The following IL20RA variants were observed in gnomAD, a reference collection of about 807,000 sequenced individuals.
IL20RA encodes the protein interleukin 20 receptor subunit alpha.
A neutral mutation model predicts 36.5 loss-of-function variants in IL20RA; 29 were observed. The ratio of observed to expected loss-of-function variants is 0.79; its 90% CI spans 0.59 to 1.08. The LOEUF (loss-of-function observed/expected upper bound fraction) is 1.08, where lower values mean the gene tolerates loss of function less well. IL20RA is among the 50% of genes least tolerant of loss of function. IL20RA has a pLI of 0.00. For synonymous variants in IL20RA, 279 were observed against 267.1 expected (o/e 1.04, Z -0.43); for missense variants, 652 against 668.4 (o/e 0.98, Z 0.27).
chr6:137,003,424 G>C (rs73560634), intron 6 of IL20RA, among the ~76,000 whole-genome samples: 1,800 of 152,198 alleles, frequency 0.012, 38 homozygotes, highest in African/African-American at 0.041. Flanking sequence ...CTTCTTTCTT[G>C]CTTCTTCTTA....
chr6:137,028,702 C>A (rs1776177003), intron 1 of IL20RA, among the ~76,000 whole-genome samples: 1 of 152,068 alleles, frequency 6.6e-6, no homozygotes, highest in Non-Finnish European at 1.5e-5. Flanking sequence ...TAAAATAAAT[C>A]TATTGAATTT....
intron 1 of IL20RA, among the ~76,000 whole-genome samples, chr6:137,034,531 T>C (rs1776407104): frequency 6.6e-6 from 1 of 152,182 alleles, no homozygotes; most frequent in South Asian, 2.1e-4. Context: ...AAGCCCTGCA[T>C]GCATTAGCTA....
intron 1 of IL20RA, among the ~76,000 whole-genome samples, chr6:137,034,606 C>T (rs2115420575): frequency 2.0e-5 from 3 of 152,220 alleles, no homozygotes; most frequent in African/African-American, 7.2e-5. Flanking sequence ...GTTCCCCTCC[C>T]TGTGTCCATG....
intron 1 of IL20RA, chr6:137,044,114 G>T: frequency 1.0e-6 from 1 of 985,584 alleles, no homozygotes; most frequent in Non-Finnish European, 1.2e-6. Context: ...CGTCTTTCTG[G>T]ATCATGTTCC....
chr6:137,000,458 C>T lies in IL20RA; in HGVS notation c.*1100G>A, dbSNP rs916822300. ...TGACTGAAGAATTTAATTTTCTTAACAAGTGGTAAAGGAGATGGGAACAGT... is the reference window on the plus strand; with the variant it reads ...TGACTGAAGAATTTAATTTTCTTAATAAGTGGTAAAGGAGATGGGAACAGT... On this transcript the variant is annotated 3_prime_UTR_variant, in exon 7 of 7. Coordinates refer to ENST00000316649, the MANE Select transcript of IL20RA (RefSeq NM_014432.4). 8 of 151,726 alleles carry T rather than the reference C, an allele frequency of 5.3e-5. No individual in the cohort carries two copies. The highest frequency in any genetic ancestry group is 1.7e-4 in the African/African-American group (7 of 41,406). The allele number at this position is 151,726 out of a possible 1,614,324, so 9.4% of individuals were successfully genotyped here.
rs995222487 is a variant in IL20RA at position 137,001,939 on chromosome 6, T to C, written c.1281A>G (p.Thr427=). 1.2e-6 allele frequency: 2 copies of C among 1,614,088 alleles called. No homozygotes were observed. Among genetic ancestry groups the C allele is most frequent in the Non-Finnish European group, 1.7e-6 (2 of 1,180,054 alleles). The change falls in exon 7 of 7, where the codon ACA becomes ACG. Residue 427 remains threonine (T), a synonymous_variant. Coordinates refer to ENST00000316649, the MANE Select transcript of IL20RA (RefSeq NM_014432.4). Reference sequence around the variant, plus strand: ...CCTGCGACTCCAATAATGTTCCTTGTGTGGACACCTCCTCCTGCAAACTGA... The same window carrying C: ...CCTGCGACTCCAATAATGTTCCTTGCGTGGACACCTCCTCCTGCAAACTGA... ...QELSLQEEVS[T]QGTLLESQAA...
chr6:137,004,764 TAAA>T lies in IL20RA; in HGVS notation c.725-7_725-5del, dbSNP rs5880323. The T allele has an allele frequency of 0.039, 53,593 of 1,386,042 alleles. No homozygotes were observed. Among genetic ancestry groups the T allele is most frequent in the East Asian group, 0.11 (4,237 of 37,228 alleles). The allele number at this position is 1,386,042 out of a possible 1,614,324, so 85.9% of individuals were successfully genotyped here. A position where few individuals can be genotyped will look rare whatever the true frequency, so the allele number is the denominator to read the frequency against. On this transcript the variant is annotated splice_polypyrimidine_tract_variant and splice_region_variant and intron_variant, in intron 5 of 6. Transcript: ENST00000316649. ...GCCTTGAACTCTGATGATTGATCTG[TAAA>T]AAAAAAAAAAAAGGTGGGAATTCGG...
At chr6:137,007,859 T>TA (rs1319496775) in intron 5 of IL20RA, among the ~76,000 whole-genome samples, 9 of 152,240 alleles carry the variant, frequency 5.9e-5, no homozygotes, top group Non-Finnish European at 1.3e-4. Flanking sequence ...CCAGGGAAAG[T>TA]AAAAAATGAA....
Position 137,001,628 on chromosome 6 carries a change from G to T in IL20RA, c.1592C>A (p.Pro531Gln). Reference sequence around the variant, plus strand: ...CATGAGATAGGTTTCATTTTCTCCTGGTGGCCTGTCTGGAGCCGGCTCCTC... The same window carrying T: ...CATGAGATAGGTTTCATTTTCTCCTTGTGGCCTGTCTGGAGCCGGCTCCTC... The part of the protein sequence containing the change: ...LYEEPAPDRP[P>Q]GENETYLMQF... Residue 531 changes from proline to glutamine, a missense_variant, in exon 7 of 7, where the codon CCA (proline) becomes CAA (glutamine). By Grantham distance (76) the Pro-to-Gln change is moderately conservative. Coordinates refer to ENST00000316649, the MANE Select transcript of IL20RA (RefSeq NM_014432.4). 6.2e-7 allele frequency: 1 copy of T among 1,612,358 alleles called. No homozygotes were observed. Among genetic ancestry groups the T allele is most frequent in the Non-Finnish European group, 8.5e-7 (1 of 1,179,068 alleles).
intron 1 of IL20RA, among the ~76,000 whole-genome samples, chr6:137,019,619 G>T (rs1775829180): frequency 6.6e-6 from 1 of 152,100 alleles, no homozygotes; most frequent in Admixed American, 6.5e-5. Context: ...CTATACTCTG[G>T]AATGTTCTGT....
chr6:137,035,155 T>C lies in IL20RA; in HGVS notation c.88+9486A>G, dbSNP rs538768656. 1.8e-4 allele frequency among the ~76,000 whole-genome samples: 28 copies of C among 152,266 alleles called. No individual in the cohort carries two copies. The South Asian group carries it at 5.8e-3, about 32-fold the overall frequency. ...TATATTGAATTATAAATATTTTATA[T>C]AACATAGATGGCAACCTACTTATGA... On this transcript the variant is annotated intron_variant, in intron 1 of 6. Transcript: ENST00000316649.
chr6:137,035,865 G>A (rs905000235), intron 1 of IL20RA, among the ~76,000 whole-genome samples: 20 of 152,316 alleles, frequency 1.3e-4, no homozygotes, highest in African/African-American at 4.1e-4. Flanking sequence ...AGATGGGTTC[G>A]TTGGAAAGGG....
At chr6:137,030,753 T>C (rs1458971218) in intron 1 of IL20RA, among the ~76,000 whole-genome samples, 3 of 152,158 alleles carry the variant, frequency 2.0e-5, no homozygotes, top group African/African-American at 7.2e-5. Context: ...ATAATTTTGG[T>C]TTATTGATTA....
At position 137,002,084 on chromosome 6, in the gene IL20RA, C is replaced by A; in HGVS notation, c.1136G>T (p.Gly379Val). ...IFCDSEENTE[G>V]TSLTQQESLS... ...GGACTCTTGCTGGGTGAGAGAAGTA[C>A]CTTCCGTGTTTTCTTCAGAGTCACA... The change falls in exon 7 of 7, where the codon GGT becomes GTT. Residue 379 changes from glycine (G) to valine (V), a missense_variant. Physicochemically the swap from Gly to Val is moderately radical, Grantham distance 109. Transcript: ENST00000316649. 6.2e-7 allele frequency: 1 copy of A among 1,614,084 alleles called. No homozygotes were observed. The highest frequency in any genetic ancestry group is 8.5e-7 in the Non-Finnish European group (1 of 1,180,032).
chr6:137,000,692 G>A lies in IL20RA; in HGVS notation c.*866C>T, dbSNP rs1429685805. The A allele has an allele frequency of 6.6e-6, 1 of 152,022 alleles. No homozygotes were observed. Among genetic ancestry groups the A allele is most frequent in the Admixed American group, 6.6e-5 (1 of 15,244 alleles). 9.4% of individuals were successfully genotyped at this position (152,022 alleles called of 1,614,324 possible). On this transcript the variant is annotated 3_prime_UTR_variant, in exon 7 of 7. Coordinates refer to ENST00000316649, the MANE Select transcript of IL20RA (RefSeq NM_014432.4). ...AGAGTCTTTGAACGACTGCCTATTCGAATGTTTAATATTATAATAGTAACA... is the reference window on the plus strand; with the variant it reads ...AGAGTCTTTGAACGACTGCCTATTCAAATGTTTAATATTATAATAGTAACA...
At chr6:137,036,521 G>A (rs80228986) in intron 1 of IL20RA, among the ~76,000 whole-genome samples, 4,141 of 152,184 alleles carry the variant, frequency 0.027, 188 homozygotes, top group African/African-American at 0.094. Flanking sequence ...AGAGTCTTCT[G>A]GAAGACTATG....
At chr6:137,014,699 T>C (rs186433225) in intron 2 of IL20RA, among the ~76,000 whole-genome samples, 20 of 152,128 alleles carry the variant, frequency 1.3e-4, no homozygotes, top group Admixed American at 9.8e-4. Context: ...ACACTTATAG[T>C]TCCCCCCCCC....
intron 2 of IL20RA, among the ~76,000 whole-genome samples, chr6:137,016,351 G>A (rs1775684095): frequency 6.6e-6 from 1 of 152,154 alleles, no homozygotes; most frequent in Admixed American, 6.5e-5. Context: ...TACTTATTTT[G>A]TGAAATCATT....
chr6:137,032,746 C>T (rs749773474), intron 1 of IL20RA, among the ~76,000 whole-genome samples: 23 of 152,260 alleles, frequency 1.5e-4, no homozygotes, highest in Middle Eastern at 3.4e-3. Flanking sequence ...TAGAAGTGTT[C>T]GGTAGCCATC....
Sources: allele counts gnomAD v4.1 joint callset (sites outside exome capture counted in the v4.1 genomes callset), GRCh38; gene constraint gnomAD v4.1.1; transcripts MANE v1.5; gene names NCBI Gene and HGNC (gene_info 2026-07-23, HGNC 2026-07-21).